Variants in ZNF469 observed in about 807,000 individuals in gnomAD.
ZNF469 encodes the protein zinc finger protein 469.
A neutral mutation model predicts 1.0 loss-of-function variants in ZNF469; 1 was observed. That is an observed-to-expected ratio of 1.00 (90% CI 0.35 to 4.73). The LOEUF (loss-of-function observed/expected upper bound fraction) is 4.73, where lower values mean the gene tolerates loss of function less well. Ranked by LOEUF, ZNF469 falls within the 30% of genes most tolerant of loss-of-function variation. ZNF469 has a pLI of 0.16. For missense variants in ZNF469, 6,100 were observed against 5,356.3 expected (o/e 1.14, Z -4.33); for synonymous variants, 2,703 against 2,363.4 (o/e 1.14, Z -4.17).
At chr16:88,308,455 G>A in the ZNF469 span, among the ~76,000 whole-genome samples, 1 of 152,120 alleles carries the variant, frequency 6.6e-6, no homozygotes, top group Non-Finnish European at 1.5e-5. Context: ...TAAGGACCTA[G>A]GGAATCTTTC....
rs1486023314 is a variant in ZNF469, at chr16:88,438,923, A to T, written c.11453A>T (p.Lys3818Ile). 1.3e-6 allele frequency: 2 copies of T among 1,550,552 alleles called. No individual in the cohort carries two copies. The highest frequency in any genetic ancestry group is 1.7e-6 in the Non-Finnish European group (2 of 1,146,978). The change falls in exon 3 of 3, where the codon AAA (lysine) becomes ATA (isoleucine). Residue 3818 changes from lysine (K) to isoleucine (I), a missense_variant. Transcript: ENST00000565624. ...KEKGESSTKR[K>I]KGQVPGPARS... is the part of the protein sequence containing the mutation. ...AAGGGAGAGAGCAGTACGAAGAGGAAAAAGGGCCAGGTCCCAGGGCCAGCC... is the reference window on the plus strand; with the variant it reads ...AAGGGAGAGAGCAGTACGAAGAGGATAAAGGGCCAGGTCCCAGGGCCAGCC...
At chr16:88,247,880 G>A in the ZNF469 span, among the ~76,000 whole-genome samples, 2 of 152,246 alleles carry the variant, frequency 1.3e-5, no homozygotes, top group African/African-American at 2.4e-5. Flanking sequence ...CCATGGTTGG[G>A]TCATGTCCAG....
chr16:88,137,692 A>G, the ZNF469 span, among the ~76,000 whole-genome samples: 2 of 152,262 alleles, frequency 1.3e-5, no homozygotes, highest in Non-Finnish European at 2.9e-5. Flanking sequence ...TAACTATGCT[A>G]TGAGCCATGG....
At chr16:88,317,217 A>G in the ZNF469 span, among the ~76,000 whole-genome samples, 1 of 152,152 alleles carries the variant, frequency 6.6e-6, no homozygotes, top group Non-Finnish European at 1.5e-5. Flanking sequence ...GAGCCGAAGC[A>G]GTTCCCAACT....
At chr16:88,139,956 G>A in the ZNF469 span, among the ~76,000 whole-genome samples, 1 of 152,116 alleles carries the variant, frequency 6.6e-6, no homozygotes, top group Non-Finnish European at 1.5e-5. Flanking sequence ...AACAACAAAA[G>A]ATACACAAAA....
chr16:88,259,991 G>A, the ZNF469 span, among the ~76,000 whole-genome samples: 2 of 151,014 alleles, frequency 1.3e-5, no homozygotes, highest in Admixed American at 6.6e-5. The surrounding 1 kb of genome is among the most constrained non-coding windows in gnomAD (Gnocchi z 4.1). Context: ...TTGTTTTTTT[G>A]TTTCGAGACA....
the ZNF469 span, among the ~76,000 whole-genome samples, chr16:88,130,863 C>G: frequency 2.0e-5 from 3 of 152,172 alleles, no homozygotes; most frequent in African/African-American, 7.2e-5. Context: ...CCTGGGATGG[C>G]GGGCGCGTGG....
chr16:88,288,237 G>C, the ZNF469 span, among the ~76,000 whole-genome samples: 1 of 151,968 alleles, frequency 6.6e-6, no homozygotes, highest in African/African-American at 2.4e-5. Flanking sequence ...TCACCTTCTT[G>C]GTTTACTCCC....
At chr16:88,323,096 G>A in the ZNF469 span, among the ~76,000 whole-genome samples, 31,108 of 152,120 alleles carry the variant, frequency 0.2, 4,148 homozygotes, top group Middle Eastern at 0.33. Flanking sequence ...CTGTAAAGTG[G>A]GGGCAGTGAT....
At chr16:88,244,649 A>G in the ZNF469 span, among the ~76,000 whole-genome samples, 2 of 148,578 alleles carry the variant, frequency 1.3e-5, no homozygotes, top group Non-Finnish European at 1.5e-5. Context: ...TAGTAGATGC[A>G]TGAATGCATG....
At chr16:88,375,334 TAGCCCAAGGCCACC>T in the ZNF469 span, among the ~76,000 whole-genome samples, 1 of 152,350 alleles carries the variant, frequency 6.6e-6, no homozygotes, top group African/African-American at 2.4e-5. Flanking sequence ...CCAAGGCCAC[TAGCCCAAGGCCACC>T]AGTAAGAGGC....
chr16:88,398,183 G>A (rs1183932316), intron 1 of ZNF469, among the ~76,000 whole-genome samples: 5 of 152,244 alleles, frequency 3.3e-5, no homozygotes, highest in African/African-American at 4.8e-5. Context: ...TCTTTAGAGT[G>A]GCAGGTGGGG....
In ZNF469 at chr16:88,433,997, A is replaced by G; in HGVS notation, c.6527A>G (p.Glu2176Gly). The G allele has an allele frequency of 1.3e-6, 2 of 1,550,222 alleles. No individual in the cohort carries two copies. The highest frequency in any genetic ancestry group is 1.7e-6 in the Non-Finnish European group (2 of 1,146,906). The change falls in exon 3 of 3, where the codon GAA becomes GGA. Residue 2176 changes from glutamate to glycine, a missense_variant. Glu to Gly is a moderately conservative substitution (Grantham distance 98, BLOSUM62 -2). Transcript: ENST00000565624. The part of the protein sequence containing the change: ...LACSPAWAPL[E>G]EADGVQATTD... ...TGTTCTCCTGCCTGGGCACCTCTGG[A>G]AGAGGCAGATGGCGTCCAAGCCACG...
chr16:88,187,244 G>A, the ZNF469 span, among the ~76,000 whole-genome samples: 1 of 152,188 alleles, frequency 6.6e-6, no homozygotes, highest in Admixed American at 6.5e-5. Flanking sequence ...TAGGAAAGCC[G>A]CCTCCAAGCT....
chr16:88,160,895 C>T, the ZNF469 span, among the ~76,000 whole-genome samples: 1 of 152,244 alleles, frequency 6.6e-6, no homozygotes, highest in African/African-American at 2.4e-5. Context: ...GTAATCCCAG[C>T]ACTTTGGGAG....
chr16:88,344,757 G>A, the ZNF469 span, among the ~76,000 whole-genome samples: 2 of 152,344 alleles, frequency 1.3e-5, no homozygotes, highest in East Asian at 3.9e-4. Context: ...AAGTGCCTGG[G>A]TTCCTGGGAG....
At chr16:88,261,139 C>T in the ZNF469 span, among the ~76,000 whole-genome samples, 2 of 152,220 alleles carry the variant, frequency 1.3e-5, no homozygotes, top group African/African-American at 4.8e-5. The surrounding 1 kb of genome is among the most constrained non-coding windows in gnomAD (Gnocchi z 6.0). Flanking sequence ...AATCAGCGAT[C>T]TCACGCATGG....
chr16:88,426,854 T>C (rs1205648304), intron 2 of ZNF469, among the ~76,000 whole-genome samples: 2 of 152,160 alleles, frequency 1.3e-5, no homozygotes, highest in African/African-American at 4.8e-5. Flanking sequence ...CAGTCCCCTA[T>C]GTCCTGCAAC....
At chr16:88,401,283 C>T (rs934008358) in intron 1 of ZNF469, among the ~76,000 whole-genome samples, 1 of 152,222 alleles carries the variant, frequency 6.6e-6, no homozygotes, top group African/African-American at 2.4e-5. Context: ...AATGTCAGGG[C>T]CTCTCTGGTT....
Sources: gnomAD v4.1 joint callset for allele counts (sites outside exome capture counted in the v4.1 genomes callset) on GRCh38, gnomAD v4.1.1 for gene constraint, Gnocchi (gnomAD v3.1) non-coding constraint, MANE v1.5 for transcripts, NCBI Gene and HGNC (gene_info 2026-07-23, HGNC 2026-07-21) for gene names.